LHX8: variants seen among roughly 807,000 people sequenced by gnomAD.
The protein encoded by LHX8 is LIM/homeobox protein Lhx8.
Under a neutral mutation model 40.3 loss-of-function variants are expected in LHX8, and 12 were observed. That is an observed-to-expected ratio of 0.30 (90% CI 0.19 to 0.48). The LOEUF (loss-of-function observed/expected upper bound fraction) is 0.48. Among genes scored for constraint, LHX8 ranks in the 20% least tolerant of loss-of-function variants. The pLI, the probability that LHX8 is intolerant of heterozygous loss-of-function variation, is 0.99. For missense variants in LHX8, 344 were observed against 433.7 expected (o/e 0.79, Z 1.84); for synonymous variants, 179 against 162.0 (o/e 1.10, Z -0.80).
the LHX8 span, among the ~76,000 whole-genome samples, chr1:75,197,048 C>A: frequency 2.0e-5 from 3 of 151,930 alleles, no homozygotes; most frequent in Admixed American, 6.6e-5. Flanking sequence ...GTGTGAGCAG[C>A]AAACCAAAAT....
the LHX8 span, among the ~76,000 whole-genome samples, chr1:75,186,026 A>G: frequency 1.3e-5 from 2 of 152,272 alleles, no homozygotes; most frequent in Non-Finnish European, 2.9e-5. Flanking sequence ...TTACAAAACA[A>G]TGCTCAAAGA....
chr1:75,171,507 G>A, the LHX8 span, among the ~76,000 whole-genome samples: 3 of 151,946 alleles, frequency 2.0e-5, no homozygotes, highest in Admixed American at 1.3e-4. Context: ...AAAATGGGAA[G>A]GGCCCAATAT....
chr1:75,179,889 T>C, the LHX8 span, among the ~76,000 whole-genome samples: 2 of 152,172 alleles, frequency 1.3e-5, no homozygotes, highest in Non-Finnish European at 2.9e-5. Context: ...GGCCTGGTGG[T>C]GACAAAATCT....
At chr1:75,190,071 T>A in the LHX8 span, among the ~76,000 whole-genome samples, 1,445 of 152,254 alleles carry the variant, frequency 9.5e-3, 21 homozygotes, top group African/African-American at 0.024. Context: ...ACACAAAATG[T>A]TCAATGCTCC....
At chr1:75,159,455 T>C (rs1320239098) in intron 8 of LHX8, 4 of 152,146 alleles carry the variant, frequency 2.6e-5, no homozygotes, top group Non-Finnish European at 5.9e-5. Flanking sequence ...TGTTTTCTTC[T>C]GAACTATTTT....
chr1:75,197,861 A>T, the LHX8 span, among the ~76,000 whole-genome samples: 2 of 151,968 alleles, frequency 1.3e-5, no homozygotes, highest in African/African-American at 4.8e-5. Flanking sequence ...GCAGAGAAAA[A>T]CCTCTATCAG....
the LHX8 span, among the ~76,000 whole-genome samples, chr1:75,167,253 G>A: frequency 2.6e-5 from 4 of 152,198 alleles, no homozygotes; most frequent in African/African-American, 7.2e-5. Flanking sequence ...ATTAAACTGC[G>A]CTGTGCCAGA....
At chr1:75,134,184 TC>T, upstream of LHX8, among the ~76,000 whole-genome samples, 1 of 152,104 alleles carries the variant, frequency 6.6e-6, no homozygotes. Flanking sequence ...AATTTTTTTT[TC>T]TTTAGTACTA....
the LHX8 span, among the ~76,000 whole-genome samples, chr1:75,171,361 A>G: frequency 6.6e-6 from 1 of 152,028 alleles, no homozygotes; most frequent in African/African-American, 2.4e-5. Flanking sequence ...ACTTAAGCCT[A>G]GTTTTAAGGT....
chr1:75,199,346 G>A, the LHX8 span, among the ~76,000 whole-genome samples: 3 of 152,192 alleles, frequency 2.0e-5, no homozygotes, highest in East Asian at 5.8e-4. Flanking sequence ...ACATTCATCT[G>A]CCTGGAAGAA....
chr1:75,153,743 G>T (rs1648679058), intron 7 of LHX8, among the ~76,000 whole-genome samples: 1 of 152,114 alleles, frequency 6.6e-6, no homozygotes, highest in African/African-American at 2.4e-5. Context: ...CCTATCTAGA[G>T]AGTATTTCAA....
At chr1:75,184,752 C>T in the LHX8 span, among the ~76,000 whole-genome samples, 7,683 of 150,772 alleles carry the variant, frequency 0.051, 209 homozygotes, top group Middle Eastern at 0.097. Flanking sequence ...AAAGAAATAA[C>T]ACAAATCAGA....
chr1:75,131,052 G>T (rs1647947111), upstream of LHX8: 3 of 441,560 alleles, frequency 6.8e-6, no homozygotes, highest in South Asian at 6.8e-5. Flanking sequence ...TGAGGGCCGC[G>T]GGCCAGGGAA....
At chr1:75,150,214 G>A (rs1648568367) in intron 7 of LHX8, among the ~76,000 whole-genome samples, 1 of 152,202 alleles carries the variant, frequency 6.6e-6, no homozygotes, top group East Asian at 1.9e-4. Context: ...CTCCAGCCTG[G>A]GTGATGGAGT....
At position 75,154,379 on chromosome 1, in the gene LHX8, C is replaced by T. The variant is rs150484310; in HGVS notation, c.781-2514C>T. On this transcript the variant is annotated intron_variant, in intron 7 of 8. Transcript: ENST00000356261. ...ATTATACCTTCTTCATGTTTATTTA[C>T]AAAGTTTGAGTGTTTTTTTTTTTCA... Among the ~76,000 whole-genome samples, 3 of 141,000 alleles carry T rather than the reference C, an allele frequency of 2.1e-5. No individual in the cohort carries two copies. The East Asian group carries it at 5.8e-4, about 27-fold the overall frequency. The allele number at this position is 141,000 out of a possible 152,430, so 92.5% of individuals were successfully genotyped here.
At chr1:75,137,373 G>A in intron 3 of LHX8, 112 bp downstream of exon 3, 4 of 1,062,412 alleles carry the variant, frequency 3.8e-6, no homozygotes, top group Admixed American at 4.2e-5. Flanking sequence ...CTGGGTGAAG[G>A]TTGTAGGCTT....
chr1:75,178,625 TC>T, the LHX8 span, among the ~76,000 whole-genome samples: 129 of 152,222 alleles, frequency 8.5e-4, no homozygotes, highest in Non-Finnish European at 1.5e-3. Context: ...AAAAACCAGC[TC>T]CTGGATTCAG....
the LHX8 span, among the ~76,000 whole-genome samples, chr1:75,180,185 G>A: frequency 1.2e-4 from 18 of 151,992 alleles, no homozygotes; most frequent in Non-Finnish European, 1.8e-4. Context: ...TGCTCTTCTC[G>A]AGGAGTATCT....
At chr1:75,183,044 T>C in the LHX8 span, 1 of 152,178 alleles carries the variant, frequency 6.6e-6, no homozygotes, top group Non-Finnish European at 1.5e-5. Flanking sequence ...ACTTGGCTTA[T>C]GTGCTCACTT....
Sources: allele counts gnomAD v4.1 joint callset (sites outside exome capture counted in the v4.1 genomes callset), GRCh38; gene constraint gnomAD v4.1.1; transcripts MANE v1.5; gene names NCBI Gene and HGNC (gene_info 2026-07-23, HGNC 2026-07-21).